The following KCND2 variants were observed in gnomAD, a reference collection of about 807,000 sequenced individuals.
KCND2 encodes potassium voltage-gated channel subfamily D member 2, also known as A-type voltage-gated potassium channel KCND2.
Under a neutral mutation model 54.4 loss-of-function variants are expected in KCND2, and 16 were observed. The observed-to-expected ratio is 0.29, with a 90% CI of 0.20 to 0.45. The LOEUF (loss-of-function observed/expected upper bound fraction) is 0.45, where lower values mean the gene tolerates loss of function less well. KCND2 is among the 20% of genes least tolerant of loss of function. KCND2 has a pLI of 1.00. For missense variants in KCND2, 486 were observed against 824.2 expected (o/e 0.59, Z 5.02); for synonymous variants, 317 against 310.7 (o/e 1.02, Z -0.21).
rs77919701 is a variant in KCND2 at position 120,371,424 on chromosome 7, G to T, written c.1115+95677G>T. Among the ~76,000 whole-genome samples, 1,028 of 152,180 alleles carry T rather than the reference G, an allele frequency of 6.8e-3. 12 individuals are homozygous for T. The highest frequency in any genetic ancestry group is 0.011 in the Non-Finnish European group (724 of 67,962). On this transcript the variant is annotated intron_variant, in intron 1 of 5. Coordinates refer to ENST00000331113, the MANE Select transcript of KCND2 (RefSeq NM_012281.3). ...AGTTAATGTATTTCTTGGACTGGAA[G>T]AATTCTTAGACTATCTAAACCAGTG...
intron 1 of KCND2, among the ~76,000 whole-genome samples, chr7:120,323,604 C>T (rs1257430562): frequency 2.0e-5 from 3 of 148,924 alleles, no homozygotes; most frequent in Non-Finnish European, 4.5e-5. Context: ...CAATTTCATC[C>T]ATGTCCCTAC....
At chr7:120,604,330 C>A (rs935778927) in intron 1 of KCND2, among the ~76,000 whole-genome samples, 2 of 124,210 alleles carry the variant, frequency 1.6e-5, no homozygotes, top group South Asian at 6.0e-4. Context: ...GGCAAAACCC[C>A]GTCTTTACTA....
intron 1 of KCND2, among the ~76,000 whole-genome samples, chr7:120,622,836 A>G (rs1314122433): frequency 6.6e-6 from 1 of 152,100 alleles, no homozygotes; most frequent in Non-Finnish European, 1.5e-5. Flanking sequence ...CAAACTTGAA[A>G]AAAATTCTCC....
intron 1 of KCND2, among the ~76,000 whole-genome samples, chr7:120,469,353 C>T (rs1205106674): frequency 6.6e-6 from 1 of 152,078 alleles, no homozygotes; most frequent in Non-Finnish European, 1.5e-5. Flanking sequence ...TTAAATTCTG[C>T]TCACAGCGAA....
intron 1 of KCND2, among the ~76,000 whole-genome samples, chr7:120,545,040 AT>A (rs1175508353): frequency 6.6e-6 from 1 of 151,916 alleles, no homozygotes; most frequent in Non-Finnish European, 1.5e-5. Context: ...ATCTTTTCAC[AT>A]TTCTGTAAAC....
At chr7:120,345,760 G>C (rs1014280307) in intron 1 of KCND2, among the ~76,000 whole-genome samples, 3 of 152,046 alleles carry the variant, frequency 2.0e-5, no homozygotes, top group Non-Finnish European at 2.9e-5. Context: ...ATGGACACAG[G>C]GTTGCTTTCA....
chr7:120,651,975 A>G (rs145298817), intron 1 of KCND2, among the ~76,000 whole-genome samples: 1 of 152,304 alleles, frequency 6.6e-6, no homozygotes, highest in East Asian at 1.9e-4. Context: ...AACTGAAGCT[A>G]TGGGAAATCT....
intron 1 of KCND2, among the ~76,000 whole-genome samples, chr7:120,612,758 A>G (rs1405649471): frequency 6.6e-6 from 1 of 152,214 alleles, no homozygotes; most frequent in Non-Finnish European, 1.5e-5. Flanking sequence ...ATTAGTTCTT[A>G]TAATGTTTTA....
In KCND2 at chr7:120,374,924, T is replaced by C. The variant is rs567920886; in HGVS notation, c.1115+99177T>C. Among the ~76,000 whole-genome samples the C allele has an allele frequency of 2.0e-5, 3 of 151,968 alleles. No individual in the cohort carries two copies. The South Asian group carries it at 6.2e-4, about 31-fold the overall frequency. On this transcript the variant is annotated intron_variant, in intron 1 of 5. Coordinates refer to ENST00000331113, the MANE Select transcript of KCND2 (RefSeq NM_012281.3). ...CTTGTATTTAGGCCAAACCACTGGC[T>C]CTTTTCAGTGTTTACACTGTCGCTG...
intron 4 of KCND2, among the ~76,000 whole-genome samples, chr7:120,743,929 C>G (rs376499694): frequency 1.3e-4 from 20 of 152,206 alleles, no homozygotes; most frequent in Middle Eastern, 3.4e-3. Context: ...GGTCTGTAAC[C>G]TAGTAGGATA....
intron 1 of KCND2, among the ~76,000 whole-genome samples, chr7:120,578,046 A>AAGAAGG (rs1792460697): frequency 4.7e-4 from 1 of 2,132 alleles, no homozygotes; most frequent in East Asian, 9.1e-4. Flanking sequence ...GAAGAAGGAG[A>AAGAAGG]AGAAGAAGAA....
At chr7:120,675,466 T>C (rs963634728) in intron 1 of KCND2, among the ~76,000 whole-genome samples, 3 of 152,036 alleles carry the variant, frequency 2.0e-5, no homozygotes, top group African/African-American at 7.2e-5. Context: ...CTCAAACTCC[T>C]GGCCTCAAAT....
At chr7:120,423,707 TTACAGTCA>T (rs1801660433) in intron 1 of KCND2, among the ~76,000 whole-genome samples, 1 of 152,210 alleles carries the variant, frequency 6.6e-6, no homozygotes, top group Non-Finnish European at 1.5e-5. Flanking sequence ...GAAGAAACCA[TTACAGTCA>T]TACTGCATTA....
chr7:120,721,241 G>A (rs753168696), intron 1 of KCND2, among the ~76,000 whole-genome samples: 1 of 152,060 alleles, frequency 6.6e-6, no homozygotes, highest in East Asian at 1.9e-4. Context: ...ACAGAATTCT[G>A]ACCAAGTAGA....
At chr7:120,454,603 C>T (rs1045785231) in intron 1 of KCND2, among the ~76,000 whole-genome samples, 1 of 152,208 alleles carries the variant, frequency 6.6e-6, no homozygotes, top group South Asian at 2.1e-4. Context: ...GATGGATTCA[C>T]TGCCAAATTC....
intron 1 of KCND2, among the ~76,000 whole-genome samples, chr7:120,721,790 T>C (rs1043529399): frequency 1.8e-4 from 27 of 152,304 alleles, no homozygotes; most frequent in African/African-American, 6.3e-4. Flanking sequence ...TGATATGGTT[T>C]GGCTGTGTCC....
At chr7:120,730,385 G>A (rs934034540) in intron 1 of KCND2, among the ~76,000 whole-genome samples, 3 of 152,122 alleles carry the variant, frequency 2.0e-5, no homozygotes, top group Non-Finnish European at 1.5e-5. Context: ...ACACAGCATT[G>A]TATAAAAAGG....
chr7:120,342,488 G>A (rs1192163729), intron 1 of KCND2, among the ~76,000 whole-genome samples: 1 of 152,094 alleles, frequency 6.6e-6, no homozygotes, highest in Non-Finnish European at 1.5e-5. Flanking sequence ...CACCAACTGT[G>A]TGTTATTTCA....
At chr7:120,436,661 G>A (rs1232356373) in intron 1 of KCND2, among the ~76,000 whole-genome samples, 2 of 152,152 alleles carry the variant, frequency 1.3e-5, no homozygotes, top group African/African-American at 4.8e-5. Context: ...GGCCCTCAGT[G>A]TCATCAGCCA....
Sources: allele counts gnomAD v4.1 joint callset (sites outside exome capture counted in the v4.1 genomes callset), GRCh38; gene constraint gnomAD v4.1.1; transcripts MANE v1.5; gene names NCBI Gene and HGNC (gene_info 2026-07-23, HGNC 2026-07-21).